Variants in PTPRJ observed in about 807,000 individuals in gnomAD.
PTPRJ encodes receptor-type tyrosine-protein phosphatase eta.
A neutral mutation model predicts 141.3 loss-of-function variants in PTPRJ; 129 were observed. The observed-to-expected ratio is 0.91, with a 90% CI of 0.79 to 1.06. The LOEUF (loss-of-function observed/expected upper bound fraction) is 1.06. Among genes scored for constraint, PTPRJ ranks in the 50% least tolerant of loss-of-function variants. PTPRJ has a pLI of 0.00. For missense variants in PTPRJ, 1,601 were observed against 1,679.7 expected, an observed-to-expected ratio of 0.95 and a Z score of 0.82; for synonymous variants, 610 against 640.5, an observed-to-expected ratio of 0.95 and a Z score of 0.72.
chr11:48,126,279 T>G (rs1321233093), intron 6 of PTPRJ, among the ~76,000 whole-genome samples: 1 of 152,124 alleles, frequency 6.6e-6, no homozygotes, highest in Non-Finnish European at 1.5e-5. Flanking sequence ...AAAGTAGTAG[T>G]GATTACATCT....
intron 1 of PTPRJ, among the ~76,000 whole-genome samples, chr11:48,025,485 G>A (rs1853782984): frequency 6.6e-6 from 1 of 152,194 alleles, no homozygotes; most frequent in Non-Finnish European, 1.5e-5. Flanking sequence ...ACCTGCCATA[G>A]GGTCAGAATA....
chr11:48,168,753 A>G lies in PTPRJ; in HGVS notation c.*1391A>G, dbSNP rs1345294950. ...TTTTTTTTGCTTCAGGTGTGTATCC[A>G]CCAAGAATTTCAAATTTATGTGGAT... On this transcript the variant is annotated 3_prime_UTR_variant, in exon 25 of 25. Transcript: ENST00000418331. 6 of 149,336 alleles carry G rather than the reference A, an allele frequency of 4.0e-5. No homozygotes were observed. The highest frequency in any genetic ancestry group is 7.4e-5 in the African/African-American group (3 of 40,620). 9.3% of individuals were successfully genotyped at this position (149,336 alleles called of 1,614,324 possible).
intron 15 of PTPRJ, among the ~76,000 whole-genome samples, chr11:48,147,546 G>T (rs756128680): frequency 6.6e-6 from 1 of 152,146 alleles, no homozygotes; most frequent in Non-Finnish European, 1.5e-5. Flanking sequence ...GTGAATTATC[G>T]CATGCATGAG....
At chr11:48,077,047 G>T (rs1486073568) in intron 1 of PTPRJ, among the ~76,000 whole-genome samples, 1 of 152,072 alleles carries the variant, frequency 6.6e-6, no homozygotes, top group African/African-American at 2.4e-5. Context: ...TTGTATTTTA[G>T]TAGAGACGGG....
intron 1 of PTPRJ, among the ~76,000 whole-genome samples, chr11:48,073,968 T>C (rs1228367340): frequency 6.6e-6 from 1 of 152,184 alleles, no homozygotes; most frequent in Non-Finnish European, 1.5e-5. Flanking sequence ...AGTTTATAAT[T>C]TATAAGCCAT....
intron 1 of PTPRJ, among the ~76,000 whole-genome samples, chr11:47,982,530 T>TA (rs1042803504): frequency 6.6e-6 from 1 of 152,102 alleles, no homozygotes; most frequent in Non-Finnish European, 1.5e-5. Flanking sequence ...TGTCTGAAGT[T>TA]AAAAAAGCCT....
chr11:48,119,711 G>A (rs1041739547), intron 3 of PTPRJ, among the ~76,000 whole-genome samples: 2 of 152,144 alleles, frequency 1.3e-5, no homozygotes, highest in East Asian at 1.9e-4. Context: ...GCTTCCTGCA[G>A]TTTTTTTATT....
chr11:48,142,958 T>A lies in PTPRJ; in HGVS notation c.2483T>A (p.Val828Asp). The A allele has an allele frequency of 6.2e-7, 1 of 1,614,114 alleles. No individual in the cohort carries two copies. The highest frequency in any genetic ancestry group is 8.5e-7 in the Non-Finnish European group (1 of 1,179,958). The change falls in exon 12 of 25, where the codon GTC becomes GAC. Residue 828 changes from valine (V) to aspartate (D), a missense_variant. Val to Asp is a radical substitution (Grantham distance 152). Transcript: ENST00000418331. ...PPDGSPNITS[V>D]SHNSVKVKFS... ...GATGGATCCCCTAATATTACATCTG[T>A]CAGTCACAATTCAGTAAAGGTCAAG... is the stretch of plus-strand genomic sequence containing the variant.
chr11:47,981,480 G>T (rs1853906065), intron 1 of PTPRJ, among the ~76,000 whole-genome samples: 1 of 152,170 alleles, frequency 6.6e-6, no homozygotes. Context: ...ACAGGGCAGG[G>T]CCAGGCGCTG....
chr11:48,022,981 C>T (rs1853694273), intron 1 of PTPRJ, among the ~76,000 whole-genome samples: 1 of 151,932 alleles, frequency 6.6e-6, no homozygotes, highest in Non-Finnish European at 1.5e-5. Context: ...CAGGATGGGA[C>T]TCAATATAGG....
chr11:48,160,346 C>G (rs78591600), intron 22 of PTPRJ, among the ~76,000 whole-genome samples: 1,892 of 152,272 alleles, frequency 0.012, 41 homozygotes, highest in African/African-American at 0.044. Context: ...AGGTGACTTG[C>G]TCATAGATTT....
chr11:48,130,640 C>A lies in PTPRJ; in HGVS notation c.1539C>A (p.Thr513=), dbSNP rs751781197. 1 of 1,613,876 alleles carries A rather than the reference C, an allele frequency of 6.2e-7. No individual in the cohort carries two copies. Among genetic ancestry groups the A allele is most frequent in the Non-Finnish European group, 8.5e-7 (1 of 1,179,908 alleles). The change falls in exon 8 of 25, where the codon ACC becomes ACA. Residue 513 remains threonine, a synonymous_variant. Transcript: ENST00000418331. ...TCATTGGTGGCTTGTTCCCTGGAAC[C>A]AAGTATTGCTTTGAAATAGTTCCAA... The part of the protein sequence containing the change: ...SIIIGGLFPG[T]KYCFEIVPKG...
chr11:48,161,643 C>G (rs1010377723), intron 22 of PTPRJ, among the ~76,000 whole-genome samples: 1 of 151,932 alleles, frequency 6.6e-6, no homozygotes, highest in Non-Finnish European at 1.5e-5. Flanking sequence ...GATGGAGTCT[C>G]TCTCTGTCAT....
At chr11:47,985,724 G>A (rs1055357365) in intron 1 of PTPRJ, among the ~76,000 whole-genome samples, 10 of 150,174 alleles carry the variant, frequency 6.7e-5, no homozygotes, top group East Asian at 2.0e-4. Context: ...TTATTGAGAC[G>A]AAGTCTCACT....
chr11:48,091,856 C>T (rs1024461372), intron 1 of PTPRJ, among the ~76,000 whole-genome samples: 1 of 152,172 alleles, frequency 6.6e-6, no homozygotes, highest in African/African-American at 2.4e-5. Flanking sequence ...TTTTCTGGGG[C>T]CCAGAGTTTG....
chr11:47,989,558 G>T (rs571698185), intron 1 of PTPRJ, among the ~76,000 whole-genome samples: 15 of 151,602 alleles, frequency 9.9e-5, no homozygotes, highest in African/African-American at 3.4e-4. Flanking sequence ...GATTACAGGC[G>T]TGAGCCACTG....
chr11:48,091,808 G>A (rs897392379), intron 1 of PTPRJ, among the ~76,000 whole-genome samples: 2 of 152,152 alleles, frequency 1.3e-5, no homozygotes, highest in African/African-American at 4.8e-5. Flanking sequence ...TTCAAAGGAT[G>A]GTGTCCCCTC....
chr11:48,052,090 T>G (rs1013643170), intron 1 of PTPRJ, among the ~76,000 whole-genome samples: 48 of 152,238 alleles, frequency 3.2e-4, no homozygotes, highest in Non-Finnish European at 1.0e-4. Context: ...GAGTTTTGTC[T>G]TCTTCTGCAC....
At chr11:48,163,890 A>G (rs1162296551) in intron 23 of PTPRJ, among the ~76,000 whole-genome samples, 1 of 152,154 alleles carries the variant, frequency 6.6e-6, no homozygotes, top group Non-Finnish European at 1.5e-5. Flanking sequence ...TATATTGTTT[A>G]TGGTTGCTTT....
Sources: gnomAD v4.1 joint callset for allele counts (sites outside exome capture counted in the v4.1 genomes callset) on GRCh38, gnomAD v4.1.1 for gene constraint, MANE v1.5 for transcripts, NCBI Gene and HGNC (gene_info 2026-07-23, HGNC 2026-07-21) for gene names.